Variants in PRELID2 observed in about 807,000 individuals in gnomAD.
PRELID2 encodes the protein PRELI domain-containing protein 2.
In PRELID2, 25 loss-of-function variants were observed where a neutral mutation model predicts 28.4. The ratio of observed to expected loss-of-function variants is 0.88; its 90% CI spans 0.64 to 1.23. The LOEUF is 1.23. PRELID2 is among the 50% of genes most tolerant of loss of function. PRELID2 has a pLI of 0.00. For missense variants in PRELID2, 201 were observed against 214.4 expected (o/e 0.94, Z 0.39); for synonymous variants, 76 against 71.6 (o/e 1.06, Z -0.31).
At chr5:145,394,439 C>T in the PRELID2 span, among the ~76,000 whole-genome samples, 3 of 117,222 alleles carry the variant, frequency 2.6e-5, no homozygotes, top group South Asian at 2.8e-4. Context: ...GTTGTGGGGT[C>T]GGGGGAGGGG....
the PRELID2 span, among the ~76,000 whole-genome samples, chr5:145,313,049 C>T: frequency 1.3e-5 from 2 of 151,990 alleles, no homozygotes; most frequent in African/African-American, 4.8e-5. Context: ...ATGGAACCCC[C>T]CAAAAAACCA....
chr5:145,571,654 G>A, intron 1 of PRELID2, among the ~76,000 whole-genome samples: 1 of 152,140 alleles, frequency 6.6e-6, no homozygotes, highest in East Asian at 1.9e-4. Flanking sequence ...CTAAGAGTCT[G>A]GCACCTTTTT....
At chr5:145,792,163 T>A (rs2149811647) in intron 5 of PRELID2, among the ~76,000 whole-genome samples, 1 of 152,218 alleles carries the variant, frequency 6.6e-6, no homozygotes, top group Middle Eastern at 3.4e-3. Flanking sequence ...AGTGCACAGA[T>A]CATGGATGCA....
At chr5:145,633,865 C>T (rs191724804) in intron 1 of PRELID2, among the ~76,000 whole-genome samples, 14 of 152,292 alleles carry the variant, frequency 9.2e-5, no homozygotes, top group Non-Finnish European at 1.5e-4. Context: ...CGAAATACTT[C>T]CTGATGTCCA....
intron 1 of PRELID2, among the ~76,000 whole-genome samples, chr5:145,709,117 TAC>T (rs898777869): frequency 4.4e-4 from 67 of 152,298 alleles, no homozygotes; most frequent in African/African-American, 1.4e-3. Flanking sequence ...GGGCAAGACC[TAC>T]AGTTGCTATT....
At chr5:145,824,742 A>C (rs1321891741) in intron 1 of PRELID2, among the ~76,000 whole-genome samples, 1 of 152,192 alleles carries the variant, frequency 6.6e-6, no homozygotes, top group Non-Finnish European at 1.5e-5. Flanking sequence ...CTTCAGTCAG[A>C]AACCAATCTA....
chr5:145,558,140 C>A (rs1055491514), intron 1 of PRELID2, among the ~76,000 whole-genome samples: 4 of 152,200 alleles, frequency 2.6e-5, no homozygotes, highest in African/African-American at 9.6e-5. Context: ...CTTAAACTCT[C>A]CGACATTTGG....
At chr5:145,825,358 G>A (rs1472093834) in intron 1 of PRELID2, among the ~76,000 whole-genome samples, 2 of 151,150 alleles carry the variant, frequency 1.3e-5, no homozygotes, top group African/African-American at 4.9e-5. Flanking sequence ...CTCAGGAAAG[G>A]AGACTTTCGC....
intron 1 of PRELID2, among the ~76,000 whole-genome samples, chr5:145,712,675 GC>G (rs1755726766): frequency 6.6e-6 from 1 of 152,032 alleles, no homozygotes; most frequent in East Asian, 1.9e-4. Flanking sequence ...ACAAAATGTA[GC>G]CCATCAAGAG....
chr5:145,511,582 C>T (rs1309412870), intron 1 of PRELID2, among the ~76,000 whole-genome samples: 2 of 152,158 alleles, frequency 1.3e-5, no homozygotes, highest in South Asian at 2.1e-4. Context: ...CCATTCATTT[C>T]GTGGTTCAAA....
intron 4 of PRELID2, among the ~76,000 whole-genome samples, chr5:145,808,412 A>C (rs2149838971): frequency 6.6e-6 from 1 of 152,328 alleles, no homozygotes; most frequent in Non-Finnish European, 1.5e-5. Context: ...AAATATGCCC[A>C]ATTAGCCCTC....
the PRELID2 span, among the ~76,000 whole-genome samples, chr5:145,397,157 G>T: frequency 6.6e-6 from 1 of 152,068 alleles, no homozygotes; most frequent in Admixed American, 6.5e-5. Context: ...GTGGAGAACA[G>T]GGGATGTTAT....
intron 1 of PRELID2, among the ~76,000 whole-genome samples, chr5:145,710,943 G>T (rs965441239): frequency 6.6e-6 from 1 of 152,154 alleles, no homozygotes; most frequent in Non-Finnish European, 1.5e-5. Context: ...AGCACACAGG[G>T]TTCTGTTTCT....
intron 1 of PRELID2, among the ~76,000 whole-genome samples, chr5:145,827,729 T>C (rs1002770843): frequency 1.3e-5 from 2 of 152,156 alleles, no homozygotes; most frequent in Admixed American, 6.5e-5. Context: ...AAAGATACAC[T>C]ACAAATAACT....
At chr5:145,600,434 A>AATATATAT (rs1299956414) in intron 1 of PRELID2, among the ~76,000 whole-genome samples, 21 of 120,092 alleles carry the variant, frequency 1.7e-4, no homozygotes, top group African/African-American at 8.1e-4. Context: ...AAAAAAAAAA[A>AATATATAT]ATATATATAT....
At chr5:145,607,481 T>A (rs557911572) in intron 1 of PRELID2, among the ~76,000 whole-genome samples, 7 of 152,346 alleles carry the variant, frequency 4.6e-5, no homozygotes, top group African/African-American at 1.7e-4. Flanking sequence ...TTTATTGATT[T>A]CTGCTTTAAT....
At chr5:145,602,549 C>T (rs1054618876) in intron 1 of PRELID2, among the ~76,000 whole-genome samples, 3 of 151,864 alleles carry the variant, frequency 2.0e-5, no homozygotes, top group Admixed American at 2.0e-4. Flanking sequence ...AGATGCAGAC[C>T]AGCTATGTTT....
the PRELID2 span, among the ~76,000 whole-genome samples, chr5:145,374,255 T>C: frequency 6.6e-6 from 1 of 152,092 alleles, no homozygotes; most frequent in Non-Finnish European, 1.5e-5. Flanking sequence ...TCAGTTTGGC[T>C]GGATGTGAAA....
rs574474890 is a variant in PRELID2, at chr5:145,744,264, GTCTTTCCTCAGACTTAGT to G, written n.70+20649_70+20666del. Among the ~76,000 whole-genome samples the G allele has an allele frequency of 6.3e-3, 967 of 152,334 alleles. 19 individuals are homozygous for G. The highest frequency in any genetic ancestry group is 0.022 in the African/African-American group (912 of 41,584). ...TTTCTCCTGCAGACCAGCAGACTTAGTCTTTCCTCAGACTTAGTTCTGAGGAATCTGGGCAGACCAGAC... is the reference window on the plus strand; with the variant it reads ...TTTCTCCTGCAGACCAGCAGACTTAGTCTGAGGAATCTGGGCAGACCAGAC... On this transcript the variant is annotated intron_variant and non_coding_transcript_variant, in intron 1 of 2. Transcript: ENST00000510259.
Sources: allele counts gnomAD v4.1 joint callset (sites outside exome capture counted in the v4.1 genomes callset), GRCh38; gene constraint gnomAD v4.1.1; transcripts MANE v1.5; gene names NCBI Gene and HGNC (gene_info 2026-07-23, HGNC 2026-07-21).